Variants in AFF4 observed in about 807,000 individuals in gnomAD.
AFF4 encodes ALF transcription elongation factor 4.
AFF4 carries 13 observed loss-of-function variants against 124.8 expected under a neutral mutation model. That is an observed-to-expected ratio of 0.10 (90% confidence interval 0.07 to 0.17). AFF4 has a LOEUF of 0.17. Among genes scored for constraint, AFF4 ranks in the 10% least tolerant of loss-of-function variants. AFF4 has a pLI of 1.00. For synonymous variants in AFF4, 477 were observed against 496.1 expected, an observed-to-expected ratio of 0.96 and a Z score of 0.51; for missense variants, 1,092 against 1,403.8, an observed-to-expected ratio of 0.78 and a Z score of 3.55.
At chr5:132,949,071 G>A (rs1761767682) in intron 1 of AFF4, among the ~76,000 whole-genome samples, 1 of 151,892 alleles carries the variant, frequency 6.6e-6, no homozygotes, top group South Asian at 2.1e-4. Context: ...CAAAACATGG[G>A]ACTCAGTGAC....
At chr5:132,898,136 T>C (rs1760455447) in intron 10 of AFF4, 94 bp downstream of exon 10, 1 of 1,453,768 alleles carries the variant, frequency 6.9e-7, no homozygotes, top group Non-Finnish European at 9.4e-7. Flanking sequence ...GAACCTTCTT[T>C]CCTTCTCCTT....
intron 20 of AFF4, 132 bp downstream of exon 20, chr5:132,883,208 G>T: frequency 1.2e-6 from 1 of 846,306 alleles, no homozygotes; most frequent in Non-Finnish European, 1.8e-6. Context: ...AAGCAATGAA[G>T]ACTATTAACA....
At chr5:132,913,922 T>G (rs149091204) in intron 5 of AFF4, among the ~76,000 whole-genome samples, 55 of 152,174 alleles carry the variant, frequency 3.6e-4, no homozygotes, top group Middle Eastern at 3.4e-3. Context: ...CACAGTTAGA[T>G]ATAATCCAAA....
chr5:132,914,070 A>T lies in AFF4; in HGVS notation c.1051-9666T>A, dbSNP rs574042826. On this transcript the variant is annotated intron_variant, in intron 5 of 20. Coordinates refer to ENST00000265343, the MANE Select transcript of AFF4 (RefSeq NM_014423.4). ...TGGTGAAACCCAGTCTCTACTAAAA[A>T]TACAAAAATTAGTCAGGCATGGTAG... 5.3e-5 allele frequency among the ~76,000 whole-genome samples: 8 copies of T among 151,954 alleles called. 1 individual carries two copies. Among genetic ancestry groups the T allele is most frequent in the East Asian group, 3.9e-4 (2 of 5,142 alleles).
intron 2 of AFF4, among the ~76,000 whole-genome samples, chr5:132,935,428 C>G (rs1761401678): frequency 6.6e-6 from 1 of 152,182 alleles, no homozygotes; most frequent in Non-Finnish European, 1.5e-5. Flanking sequence ...GAGTTCCAGA[C>G]CAGCCTGGCC....
At chr5:132,936,183 C>T (rs1409828387) in intron 2 of AFF4, among the ~76,000 whole-genome samples, 4 of 136,080 alleles carry the variant, frequency 2.9e-5, no homozygotes, top group Non-Finnish European at 6.1e-5. Context: ...AGGAGAATGG[C>T]GTGAACCCGG....
At chr5:132,908,796 A>G (rs1760728562) in intron 5 of AFF4, among the ~76,000 whole-genome samples, 1 of 138,432 alleles carries the variant, frequency 7.2e-6, no homozygotes, top group South Asian at 2.2e-4. Flanking sequence ...TTTGAGACGG[A>G]ATCTAGCTCT....
chr5:132,913,548 A>G (rs1561492389), intron 5 of AFF4, among the ~76,000 whole-genome samples: 1 of 152,134 alleles, frequency 6.6e-6, no homozygotes, highest in African/African-American at 2.4e-5. Context: ...TGCTCAGGCA[A>G]TCCTCTTGTT....
chr5:132,899,022 T>G, intron 9 of AFF4, 82 bp downstream of exon 9: 1 of 1,226,504 alleles, frequency 8.2e-7, no homozygotes, highest in Non-Finnish European at 1.2e-6. Context: ...TATTTACTTA[T>G]AAGGCCACTT....
At position 132,898,403 on chromosome 5, in the gene AFF4, T is replaced by C. The variant is rs746328089; in HGVS notation, c.1227-11A>G. On this transcript the variant is annotated splice_polypyrimidine_tract_variant and intron_variant, in intron 9 of 20. Coordinates refer to ENST00000265343, the MANE Select transcript of AFF4 (RefSeq NM_014423.4). ...GAAGGTTCAGAGTTACTAAAAGAGA[T>C]GAAATATACAAATGTCCAAAGTTTA... The C allele has an allele frequency of 1.6e-5, 25 of 1,610,068 alleles. No individual in the cohort carries two copies. In the East Asian group the frequency reaches 4.2e-4, roughly 27 times the overall value.
At chr5:132,908,731 T>C (rs1169635825) in intron 5 of AFF4, among the ~76,000 whole-genome samples, 3 of 148,314 alleles carry the variant, frequency 2.0e-5, no homozygotes, top group East Asian at 3.9e-4. Context: ...CACACACTCA[T>C]ATATAATCTA....
rs146068791 is a variant in AFF4 at position 132,892,771 on chromosome 5, GCTTTA to G, written c.2396+254_2396+258del. On this transcript the variant is annotated intron_variant, in intron 12 of 20. Transcript: ENST00000265343. Reference sequence around the variant, plus strand: ...TGCCATCTAACCAGAAAGTGGCATAGCTTTACTTTAATTCTCCCCCCATACTCACC... The same window carrying G: ...TGCCATCTAACCAGAAAGTGGCATAGCTTTAATTCTCCCCCCATACTCACC... Among the ~76,000 whole-genome samples the G allele has an allele frequency of 9.5e-3, 1,453 of 152,198 alleles. 25 individuals carry two copies. The highest frequency in any genetic ancestry group is 0.034 in the African/African-American group (1,398 of 41,510).
intron 3 of AFF4, among the ~76,000 whole-genome samples, chr5:132,933,125 C>T (rs1409263048): frequency 6.6e-6 from 1 of 151,794 alleles, no homozygotes; most frequent in Admixed American, 6.6e-5. Context: ...GGGCCAGGCG[C>T]GGTGGCTCAC....
chr5:132,896,376 C>A lies in AFF4; in HGVS notation c.2254G>T (p.Ala752Ser). 1 of 1,610,920 alleles carries A rather than the reference C, an allele frequency of 6.2e-7. No homozygotes were observed. Reference sequence around the variant, plus strand: ...ACTTTTTCTGAGGCTTGTTTCTGAGCCTCTCTCGTGTGCTTTTCTGGCACA... The same window carrying A: ...ACTTTTTCTGAGGCTTGTTTCTGAGACTCTCTCGTGTGCTTTTCTGGCACA... ...KNVPEKHTRE[A>S]QKQASEKVSN... Residue 752 changes from alanine (A) to serine (S), a missense_variant, in exon 11 of 21, where the codon GCT becomes TCT. Ala to Ser is a moderately conservative substitution (Grantham distance 99, BLOSUM62 1). Around this residue, in one of 11 missense-constraint regions of AFF4, gnomAD observed 293 missense variants for 280.2 expected, o/e 1.05. Coordinates refer to ENST00000265343, the MANE Select transcript of AFF4 (RefSeq NM_014423.4).
Position 132,896,818 on chromosome 5 carries a change from G to A in AFF4, c.1812C>T (p.Ala604=), listed in dbSNP as rs1048435723. 1 of 1,613,898 alleles carries A rather than the reference G, an allele frequency of 6.2e-7. No homozygotes were observed. The highest frequency in any genetic ancestry group is 1.3e-5 in the African/African-American group (1 of 74,882). Residue 604 remains alanine, a synonymous_variant, in exon 11 of 21, where the codon GCC becomes GCT. Transcript: ENST00000265343. ...TATTGGGTTTCCTTGAGCCTTTGGT[G>A]GCTGCTTTGTGTCTGCTGGAGGGCA... The part of the protein sequence containing the change: ...SSMPSSRHKA[A]TKGSRKPNIK...
chr5:132,907,536 A>G (rs1452793725), intron 5 of AFF4, among the ~76,000 whole-genome samples: 2 of 152,196 alleles, frequency 1.3e-5, no homozygotes, highest in African/African-American at 4.8e-5. Context: ...AACTGTAATA[A>G]ACACAATGAA....
At chr5:132,917,139 G>A (rs1021576640) in intron 5 of AFF4, among the ~76,000 whole-genome samples, 5 of 151,790 alleles carry the variant, frequency 3.3e-5, no homozygotes, top group South Asian at 2.1e-4. Flanking sequence ...GGCTGATCTC[G>A]AACTCCTGAC....
intron 5 of AFF4, chr5:132,926,842 G>A (rs897460691): frequency 2.7e-5 from 7 of 263,594 alleles, no homozygotes; most frequent in African/African-American, 1.6e-4. Flanking sequence ...TTACAGGAGT[G>A]AGCCACCGTG....
intron 1 of AFF4, among the ~76,000 whole-genome samples, chr5:132,962,749 A>C (rs1342377324): frequency 6.7e-6 from 1 of 149,520 alleles, no homozygotes; most frequent in Non-Finnish European, 1.5e-5. Context: ...TTATACCCCC[A>C]CGTTCCCATT....
Sources: gnomAD v4.1 joint callset for allele counts (sites outside exome capture counted in the v4.1 genomes callset) on GRCh38, gnomAD v4.1.1 for gene constraint, gnomAD v4.1.1 regional missense constraint, MANE v1.5 for transcripts, NCBI Gene and HGNC (gene_info 2026-07-23, HGNC 2026-07-21) for gene names.